Variants in LAMA1 observed in about 807,000 individuals in gnomAD.
The protein encoded by LAMA1 is laminin subunit alpha-1.
In LAMA1, 219 loss-of-function variants were observed where a neutral mutation model predicts 348.7. That is an observed-to-expected ratio of 0.63 (90% CI 0.56 to 0.70). The LOEUF is 0.70. LAMA1 is among the 30% of genes least tolerant of loss of function. LAMA1 has a pLI of 0.00. For missense variants in LAMA1, 3,744 were observed against 3,888.0 expected (o/e 0.96, Z 0.99); for synonymous variants, 1,487 against 1,491.0 (o/e 1.00, Z 0.06).
intron 3 of LAMA1, among the ~76,000 whole-genome samples, chr18:7,051,428 G>A (rs144841612): frequency 1.3e-3 from 196 of 152,266 alleles, no homozygotes; most frequent in African/African-American, 4.5e-3. Context: ...GGTATACATT[G>A]GTTGCCAAAA....
chr18:7,000,686 T>C (rs931315577), intron 30 of LAMA1, among the ~76,000 whole-genome samples: 1 of 152,214 alleles, frequency 6.6e-6, no homozygotes, highest in African/African-American at 2.4e-5. Flanking sequence ...ATGTGCCATC[T>C]AGAGGCTGAG....
At chr18:6,995,494 T>C (rs1568023116) in intron 33 of LAMA1, 48 bp from the exon 34 acceptor site, 1 of 1,013,410 alleles carries the variant, frequency 9.9e-7, no homozygotes, top group Non-Finnish European at 1.6e-6. Flanking sequence ...AGTAAAATGT[T>C]CTGATTCTTA....
Position 7,033,107 on chromosome 18 carries a change from C to G in LAMA1, c.2052-12G>C, listed in dbSNP as rs775676474. On this transcript the variant is annotated splice_polypyrimidine_tract_variant and intron_variant, in intron 14 of 62. Transcript: ENST00000389658. The stretch of plus-strand genomic sequence containing the variant: ...AGACGGACTCCAACCTACAAATAGA[C>G]AGATTGTTATGTGACTCACACGCTC... The G allele has an allele frequency of 6.4e-6, 10 of 1,572,894 alleles. No individual in the cohort carries two copies. Among genetic ancestry groups the G allele is most frequent in the African/African-American group, 2.7e-5 (2 of 73,864 alleles).
chr18:7,094,864 A>G (rs1426058742), intron 1 of LAMA1, among the ~76,000 whole-genome samples: 1 of 152,244 alleles, frequency 6.6e-6, no homozygotes, highest in Non-Finnish European at 1.5e-5. Context: ...AGAATAAAAT[A>G]TTTAGGAAAA....
At chr18:7,002,597 C>A (rs2016274) in intron 29 of LAMA1, among the ~76,000 whole-genome samples, 15,525 of 152,220 alleles carry the variant, frequency 0.1, 956 homozygotes, top group African/African-American at 0.16. Context: ...CATTCATCCA[C>A]TACAGCCAAG....
intron 42 of LAMA1, 110 bp from the exon 43 acceptor site, chr18:6,978,488 T>C: frequency 9.4e-7 from 1 of 1,064,648 alleles, no homozygotes; most frequent in South Asian, 1.3e-5. Context: ...GTCATATTAC[T>C]GATGCTGAAC....
chr18:6,942,019 A>G lies in LAMA1; in HGVS notation c.*60T>C, dbSNP rs2057500439. On this transcript the variant is annotated 3_prime_UTR_variant, in exon 63 of 63. Coordinates refer to ENST00000389658, the MANE Select transcript of LAMA1 (RefSeq NM_005559.4). ...TATGAACTGAAGAGATTCTTAATTC[A>G]CACATACACTTCTCCTCAAAATATT... 3 of 1,585,216 alleles carry G rather than the reference A, an allele frequency of 1.9e-6. No individual in the cohort carries two copies. In the Admixed American group the frequency reaches 5.0e-5, roughly 26 times the overall value.
Position 7,040,092 on chromosome 18 carries a change from CCT to C in LAMA1, c.1404_1405del (p.Gly469AlafsTer5), listed in dbSNP as rs2144180003. ...CCCACTTACCTTACAAACACAGGGC[CCT>C]GTGCAGGGCTCATCACTGGCACTGC... is the stretch of plus-strand genomic sequence containing the variant. On this transcript the variant is annotated frameshift_variant, in exon 10 of 63. Coordinates refer to ENST00000389658, the MANE Select transcript of LAMA1 (RefSeq NM_005559.4). LOFTEE classifies it high-confidence loss of function. 1 of 1,614,030 alleles carries C rather than the reference CCT, an allele frequency of 6.2e-7. No homozygotes were observed. Among genetic ancestry groups the C allele is most frequent in the Non-Finnish European group, 8.5e-7 (1 of 1,180,010 alleles).
intron 3 of LAMA1, among the ~76,000 whole-genome samples, chr18:7,057,955 C>T (rs76763404): frequency 0.025 from 3,761 of 151,410 alleles, 129 homozygotes; most frequent in African/African-American, 0.08. Context: ...CCACCACGTC[C>T]GGCCAATTTT....
At chr18:6,993,567 T>C in intron 35 of LAMA1, 74 bp downstream of exon 35, 2 of 1,051,216 alleles carry the variant, frequency 1.9e-6, no homozygotes, top group Non-Finnish European at 3.0e-6. Flanking sequence ...CATCTATTCA[T>C]ATGTTTAATA....
At chr18:6,943,083 T>G (rs909410052) in intron 62 of LAMA1, 97 bp downstream of exon 62, 1 of 1,027,028 alleles carries the variant, frequency 9.7e-7, no homozygotes, top group African/African-American at 1.6e-5. Context: ...ACCCAAACCA[T>G]GTACCTTTCT....
chr18:6,955,214 C>T, intron 57 of LAMA1, 139 bp downstream of exon 57: 2 of 720,006 alleles, frequency 2.8e-6, no homozygotes, highest in South Asian at 3.1e-5. Flanking sequence ...TGAATTCCTT[C>T]TCTTTGCCAT....
At chr18:6,955,679 C>T (rs1409072487) in intron 56 of LAMA1, 2 of 658,132 alleles carry the variant, frequency 3.0e-6, no homozygotes, top group Non-Finnish European at 5.6e-6. Context: ...TTCTGTCTGT[C>T]ACCTTAATCC....
At chr18:6,956,827 A>T (rs1476604093) in intron 55 of LAMA1, 62 bp from the exon 56 acceptor site, 2 of 1,553,552 alleles carry the variant, frequency 1.3e-6, no homozygotes, top group Non-Finnish European at 1.8e-6. Flanking sequence ...CATGAACCCA[A>T]GTCATCTGAT....
intron 1 of LAMA1, among the ~76,000 whole-genome samples, chr18:7,091,017 C>T (rs1382609503): frequency 6.6e-6 from 1 of 152,170 alleles, no homozygotes; most frequent in Non-Finnish European, 1.5e-5. Flanking sequence ...CAAATATTTT[C>T]TGCAGAAAAA....
rs1568015179 is a variant in LAMA1 at position 6,977,753 on chromosome 18, T to C, written c.6319A>G (p.Ser2107Gly). Residue 2107 changes from serine (S) to glycine (G), a missense_variant, in exon 44 of 63, where the codon AGC becomes GGC. Physicochemically the swap from Ser to Gly is moderately conservative, Grantham distance 56. This residue lies in a region of LAMA1 where 1,983 missense variants were observed against 1,934.3 expected (regional missense o/e 1.03). Coordinates refer to ENST00000389658, the MANE Select transcript of LAMA1 (RefSeq NM_005559.4). Reference sequence around the variant, plus strand: ...GAAGCTGCTTGTTTGCGGGCCTGGCTGATCAACAGTTTAATTTCTGATAGG... The same window carrying C: ...GAAGCTGCTTGTTTGCGGGCCTGGCCGATCAACAGTTTAATTTCTGATAGG... ...RNLSEIKLLISQARKQAASIK... is the reference protein window; with the variant it reads ...RNLSEIKLLIGQARKQAASIK... The C allele has an allele frequency of 6.2e-7, 1 of 1,614,170 alleles. No individual in the cohort carries two copies. The highest frequency in any genetic ancestry group is 8.5e-7 in the Non-Finnish European group (1 of 1,180,022).
Position 7,013,916 on chromosome 18 carries a change from C to T in LAMA1, c.3262G>A (p.Val1088Ile). 6.2e-7 allele frequency: 1 copy of T among 1,613,740 alleles called. No homozygotes were observed. The part of the protein sequence containing the change: ...SLGYRDFPDC[V>I]PCDCDLRGTS... The stretch of plus-strand genomic sequence containing the variant: ...CCCCTCAGGTCACAGTCACAGGGAA[C>T]ACAGTCGGGAAAGTCTCTGTAACCC... Residue 1088 changes from valine (V) to isoleucine (I), a missense_variant, in exon 23 of 63, where the codon GTT becomes ATT. This residue lies in a region of LAMA1 where 1,529 missense variants were observed against 1,689.4 expected (regional missense o/e 0.91). Coordinates refer to ENST00000389658, the MANE Select transcript of LAMA1 (RefSeq NM_005559.4).
chr18:7,069,596 T>C (rs1183703726), intron 3 of LAMA1, among the ~76,000 whole-genome samples: 1 of 150,412 alleles, frequency 6.6e-6, no homozygotes, highest in Non-Finnish European at 1.5e-5. Context: ...GGAGACCAGG[T>C]CTAAGAGGGG....
intron 12 of LAMA1, among the ~76,000 whole-genome samples, chr18:7,037,192 T>G (rs1319818098): frequency 6.6e-6 from 1 of 152,182 alleles, no homozygotes; most frequent in Non-Finnish European, 1.5e-5. Context: ...GGTTGTTTCT[T>G]GTATGCCAGG....
Sources: allele counts gnomAD v4.1 joint callset (sites outside exome capture counted in the v4.1 genomes callset), GRCh38; gene constraint gnomAD v4.1.1; regional missense constraint gnomAD v4.1.1; transcripts MANE v1.5; gene names NCBI Gene and HGNC (gene_info 2026-07-23, HGNC 2026-07-21).